The following RFX3 variants were observed in gnomAD, a reference collection of about 807,000 sequenced individuals.
The protein encoded by RFX3 is transcription factor RFX3.
Under a neutral mutation model 98.6 loss-of-function variants are expected in RFX3, and 14 were observed. The observed-to-expected ratio is 0.14, with a 90% CI of 0.09 to 0.22. The LOEUF (loss-of-function observed/expected upper bound fraction) is 0.22, where lower values mean the gene tolerates loss of function less well. RFX3 is among the 10% of genes least tolerant of loss of function. The pLI, the probability that RFX3 is intolerant of heterozygous loss-of-function variation, is 1.00. For synonymous variants in RFX3, 383 were observed against 328.4 expected (o/e 1.17, Z -1.80); for missense variants, 639 against 926.9 (o/e 0.69, Z 4.03).
chr9:3,403,654 T>C (rs1214552595), intron 1 of RFX3, among the ~76,000 whole-genome samples: 3 of 152,228 alleles, frequency 2.0e-5, no homozygotes, highest in Non-Finnish European at 4.4e-5. Flanking sequence ...ATGAAATTAC[T>C]GTAATTTTTA....
rs1268552413 is a variant in RFX3 at position 3,220,764 on chromosome 9, T to C, written c.*4278A>G. 6.6e-6 allele frequency: 1 copy of C among 152,164 alleles called. No homozygotes were observed. The highest frequency in any genetic ancestry group is 2.4e-5 in the African/African-American group (1 of 41,444). The allele number at this position is 152,164 out of a possible 1,614,324, so 9.4% of individuals were successfully genotyped here. Reference sequence around the variant, plus strand: ...GTATATCTTACAATGCTCAAAGGGTTAATACAAGGCATTACATCAAAGGGG... The same window carrying C: ...GTATATCTTACAATGCTCAAAGGGTCAATACAAGGCATTACATCAAAGGGG... On this transcript the variant is annotated 3_prime_UTR_variant, in exon 17 of 17. Transcript: ENST00000617270.
intron 1 of RFX3, among the ~76,000 whole-genome samples, chr9:3,506,574 T>G (rs942373976): frequency 1.3e-5 from 2 of 151,918 alleles, no homozygotes; most frequent in African/African-American, 4.8e-5. Flanking sequence ...AAATAAGGTA[T>G]AGAATCCTTA....
intron 6 of RFX3, among the ~76,000 whole-genome samples, chr9:3,288,704 C>T (rs931201781): frequency 1.3e-5 from 2 of 152,028 alleles, no homozygotes; most frequent in Non-Finnish European, 2.9e-5. Context: ...CTTAATTCTA[C>T]TTTCCTGGAT....
rs180778011 is a variant in RFX3 at position 3,271,618 on chromosome 9, C to T, written c.1087-500G>A. 7.2e-5 allele frequency among the ~76,000 whole-genome samples: 11 copies of T among 151,840 alleles called. No homozygotes were observed. The East Asian group carries it at 1.9e-3, about 27-fold the overall frequency. ...TTCTTTCTGCCTCTATAGTTACTGTCACCCTACCTATTCTAAGACCTGGAA... is the reference window on the plus strand; with the variant it reads ...TTCTTTCTGCCTCTATAGTTACTGTTACCCTACCTATTCTAAGACCTGGAA... On this transcript the variant is annotated intron_variant, in intron 9 of 16. Transcript: ENST00000617270.
At chr9:3,419,988 G>A (rs991833881) in intron 1 of RFX3, among the ~76,000 whole-genome samples, 9 of 152,144 alleles carry the variant, frequency 5.9e-5, no homozygotes, top group South Asian at 4.1e-4. Context: ...TCCTCCTACC[G>A]CACTCAAAAT....
intron 1 of RFX3, among the ~76,000 whole-genome samples, chr9:3,423,132 A>G (rs1037682076): frequency 6.6e-6 from 1 of 152,224 alleles, no homozygotes; most frequent in South Asian, 2.1e-4. Flanking sequence ...TGAGAATTCT[A>G]TTCAACTTTA....
chr9:3,520,430 T>C (rs968378579), intron 1 of RFX3, among the ~76,000 whole-genome samples: 2 of 152,220 alleles, frequency 1.3e-5, no homozygotes, highest in Non-Finnish European at 2.9e-5. Flanking sequence ...TTTCAGTATG[T>C]CTTTTAGAGT....
chr9:3,489,807 A>T (rs984401476), intron 1 of RFX3, among the ~76,000 whole-genome samples: 1 of 152,168 alleles, frequency 6.6e-6, no homozygotes, highest in Non-Finnish European at 1.5e-5. Context: ...AAGCACTCTG[A>T]GTAGTGCCTG....
intron 1 of RFX3, among the ~76,000 whole-genome samples, chr9:3,486,343 C>G (rs1850274762): frequency 6.6e-6 from 1 of 152,064 alleles, no homozygotes; most frequent in Non-Finnish European, 1.5e-5. Context: ...TTACGGCTCT[C>G]TTTAACATAT....
chr9:3,353,804 AT>A (rs1403076039), intron 2 of RFX3, among the ~76,000 whole-genome samples: 1 of 152,100 alleles, frequency 6.6e-6, no homozygotes, highest in African/African-American at 2.4e-5. Flanking sequence ...AATTAGACAT[AT>A]AAAGAAGCAG....
At chr9:3,285,044 C>T (rs1042701446) in intron 7 of RFX3, among the ~76,000 whole-genome samples, 2 of 151,630 alleles carry the variant, frequency 1.3e-5, no homozygotes, top group African/African-American at 2.4e-5. Context: ...CATTCTTATC[C>T]CTACAATGAC....
chr9:3,511,607 T>C (rs879242834), intron 1 of RFX3, among the ~76,000 whole-genome samples: 6 of 152,062 alleles, frequency 3.9e-5, no homozygotes, highest in African/African-American at 1.4e-4. Context: ...AAGCAGAAGA[T>C]AGTTGGTTCT....
At chr9:3,367,816 TAGTTA>T (rs1450344598) in intron 2 of RFX3, among the ~76,000 whole-genome samples, 23 of 152,216 alleles carry the variant, frequency 1.5e-4, no homozygotes, top group Non-Finnish European at 2.4e-4. Flanking sequence ...AAAGTTCGAA[TAGTTA>T]AGTTACAAGC....
At chr9:3,299,618 T>C (rs935053324) in intron 5 of RFX3, among the ~76,000 whole-genome samples, 1 of 151,480 alleles carries the variant, frequency 6.6e-6, no homozygotes, top group African/African-American at 2.4e-5. Context: ...GTTAGCAGTA[T>C]GGAAGATCAG....
At chr9:3,399,219 G>A (rs979248617) in intron 1 of RFX3, among the ~76,000 whole-genome samples, 1 of 150,674 alleles carries the variant, frequency 6.6e-6, no homozygotes, top group African/African-American at 2.4e-5. Context: ...TGAATCACCT[G>A]AGGTCAGGAG....
intron 2 of RFX3, among the ~76,000 whole-genome samples, chr9:3,393,670 A>G (rs1840553000): frequency 6.7e-6 from 1 of 148,822 alleles, no homozygotes; most frequent in Non-Finnish European, 1.5e-5. Flanking sequence ...GATGGCATTA[A>G]TAATAACAGA....
At chr9:3,273,741 T>A (rs1174577691) in intron 9 of RFX3, among the ~76,000 whole-genome samples, 1 of 151,770 alleles carries the variant, frequency 6.6e-6, no homozygotes, top group Non-Finnish European at 1.5e-5. Context: ...GGTGCATGCC[T>A]GTAATTCCAG....
chr9:3,478,698 T>C (rs1849482262), intron 1 of RFX3, among the ~76,000 whole-genome samples: 1 of 152,176 alleles, frequency 6.6e-6, no homozygotes, highest in Admixed American at 6.5e-5. Context: ...TCCGGGCATG[T>C]GTACAGACTT....
intron 1 of RFX3, among the ~76,000 whole-genome samples, chr9:3,498,490 T>C (rs184495113): frequency 3.7e-4 from 57 of 152,198 alleles, no homozygotes; most frequent in African/African-American, 1.3e-3. Flanking sequence ...ATATCAGTTT[T>C]ATTTCTAAAA....
Sources: allele counts gnomAD v4.1 joint callset (sites outside exome capture counted in the v4.1 genomes callset), GRCh38; gene constraint gnomAD v4.1.1; transcripts MANE v1.5; gene names NCBI Gene and HGNC (gene_info 2026-07-23, HGNC 2026-07-21).